CAMKMT: variants seen among roughly 807,000 people sequenced by gnomAD.
CAMKMT encodes CaM KMT.
In CAMKMT, 53 loss-of-function variants were observed where a neutral mutation model predicts 48.0. That is an observed-to-expected ratio of 1.10 (90% CI 0.89 to 1.39). The LOEUF (loss-of-function observed/expected upper bound fraction) is 1.39. Among genes scored for constraint, CAMKMT ranks in the 40% most tolerant of loss-of-function variants. CAMKMT has a pLI of 0.00. For missense variants in CAMKMT, 428 were observed against 402.7 expected (o/e 1.06, Z -0.54); for synonymous variants, 165 against 152.3 (o/e 1.08, Z -0.61).
At chr2:44,529,763 A>G (rs1666381571) in intron 3 of CAMKMT, among the ~76,000 whole-genome samples, 1 of 152,156 alleles carries the variant, frequency 6.6e-6, no homozygotes. Context: ...CTAAGTGTCA[A>G]ATTGCTGATT....
intron 3 of CAMKMT, among the ~76,000 whole-genome samples, chr2:44,635,552 G>T (rs551320918): frequency 6.6e-6 from 1 of 152,100 alleles, no homozygotes; most frequent in African/African-American, 2.4e-5. Flanking sequence ...TTGGGTTCAC[G>T]CACCTTACTT....
At chr2:44,614,755 T>G (rs1023488407) in intron 3 of CAMKMT, among the ~76,000 whole-genome samples, 3 of 151,360 alleles carry the variant, frequency 2.0e-5, no homozygotes, top group Admixed American at 2.0e-4. Context: ...GACTCTAGAG[T>G]GAAAGATGTT....
At chr2:44,754,164 T>C (rs373392961) in intron 9 of CAMKMT, 46 bp downstream of exon 9, 3 of 1,404,990 alleles carry the variant, frequency 2.1e-6, no homozygotes, top group Non-Finnish European at 3.0e-6. Flanking sequence ...ACAGAATAAT[T>C]AGTCTGTGCA....
chr2:44,643,907 T>A (rs940299921), intron 3 of CAMKMT, among the ~76,000 whole-genome samples: 1 of 152,286 alleles, frequency 6.6e-6, no homozygotes, highest in African/African-American at 2.4e-5. Context: ...CTAATTAGAG[T>A]TAGCGACAAA....
chr2:44,658,437 G>A (rs1201381163), intron 3 of CAMKMT, among the ~76,000 whole-genome samples: 1 of 152,140 alleles, frequency 6.6e-6, no homozygotes, highest in African/African-American at 2.4e-5. Flanking sequence ...TGGGCTAATT[G>A]GCTGGAGAGT....
At chr2:44,695,285 T>C (rs1676875752) in intron 3 of CAMKMT, among the ~76,000 whole-genome samples, 1 of 152,224 alleles carries the variant, frequency 6.6e-6, no homozygotes, top group Non-Finnish European at 1.5e-5. Flanking sequence ...ATAACCATAG[T>C]ACTATAATAT....
rs1020249685 is a variant in CAMKMT at position 44,766,437 on chromosome 2, C to T, written c.770C>T (p.Ala257Val). 32 of 1,613,874 alleles carry T rather than the reference C, an allele frequency of 2.0e-5. No individual in the cohort carries two copies. Among genetic ancestry groups the T allele is most frequent in the Admixed American group, 1.2e-4 (7 of 59,956 alleles). Residue 257 changes from alanine (A) to valine (V), a missense_variant, in exon 10 of 11, where the codon GCG becomes GTG. Coordinates refer to ENST00000378494, the MANE Select transcript of CAMKMT (RefSeq NM_024766.5). Reference sequence around the variant, plus strand: ...TCCTTTTTACTGTTCTAGGGGAAAGCGATGGTATTTGCCCCACGCCGAGGG... The same window carrying T: ...TCCTTTTTACTGTTCTAGGGGAAAGTGATGGTATTTGCCCCACGCCGAGGG... ...IKRLLQPRGK[A>V]MVFAPRRGNT... is the part of the protein sequence containing the mutation.
At chr2:44,395,038 GA>G (rs1469365630) in intron 3 of CAMKMT, 13 of 440,304 alleles carry the variant, frequency 3.0e-5, no homozygotes, top group Non-Finnish European at 5.0e-5. Flanking sequence ...TTTTCTAGAG[GA>G]AAAAAAATTA....
At chr2:44,647,252 A>G (rs1572989127) in intron 3 of CAMKMT, among the ~76,000 whole-genome samples, 2 of 152,092 alleles carry the variant, frequency 1.3e-5, no homozygotes, top group African/African-American at 4.8e-5. Flanking sequence ...TACTGTTCTC[A>G]CTTTTAGTTT....
At chr2:44,679,849 C>T (rs1039611530) in intron 3 of CAMKMT, among the ~76,000 whole-genome samples, 2 of 152,228 alleles carry the variant, frequency 1.3e-5, no homozygotes, top group Admixed American at 1.3e-4. Flanking sequence ...ATGATAATTG[C>T]TCTGCCTGCA....
intron 3 of CAMKMT, among the ~76,000 whole-genome samples, chr2:44,462,538 C>A (rs1445937505): frequency 1.3e-5 from 2 of 151,654 alleles, no homozygotes; most frequent in Non-Finnish European, 2.9e-5. Context: ...ATCTAAATTC[C>A]TTTTTTTGCT....
chr2:44,669,855 C>G (rs1675229397), intron 3 of CAMKMT, among the ~76,000 whole-genome samples: 1 of 152,106 alleles, frequency 6.6e-6, no homozygotes, highest in Admixed American at 6.5e-5. Context: ...CCAGGCTGGT[C>G]TCGAACTCCT....
At chr2:44,512,133 A>G (rs1670595947) in intron 3 of CAMKMT, among the ~76,000 whole-genome samples, 2 of 152,198 alleles carry the variant, frequency 1.3e-5, no homozygotes, top group South Asian at 4.1e-4. Context: ...CAAGGAACTC[A>G]GACTCCAGGC....
chr2:44,703,033 G>A (rs771039818), intron 3 of CAMKMT, among the ~76,000 whole-genome samples: 4 of 152,118 alleles, frequency 2.6e-5, no homozygotes, highest in Non-Finnish European at 4.4e-5. Flanking sequence ...TTTGCCACCC[G>A]TTCCCAGGAC....
chr2:44,418,421 G>A (rs144587569), intron 3 of CAMKMT, among the ~76,000 whole-genome samples: 8 of 151,592 alleles, frequency 5.3e-5, no homozygotes, highest in Admixed American at 2.6e-4. Context: ...TAGAAGTTAA[G>A]GTTCTTTTGT....
intron 3 of CAMKMT, among the ~76,000 whole-genome samples, chr2:44,532,478 C>T (rs1666538488): frequency 6.6e-6 from 1 of 152,206 alleles, no homozygotes; most frequent in African/African-American, 2.4e-5. Context: ...GTGTCACAGA[C>T]ATTGAGTTCC....
chr2:44,635,546 G>T (rs1572966169), intron 3 of CAMKMT, among the ~76,000 whole-genome samples: 1 of 152,224 alleles, frequency 6.6e-6, no homozygotes, highest in East Asian at 1.9e-4. Context: ...CATATCTTGG[G>T]TTCACGCACC....
At chr2:44,378,335 C>T (rs187323014) in intron 2 of CAMKMT, among the ~76,000 whole-genome samples, 40 of 152,244 alleles carry the variant, frequency 2.6e-4, no homozygotes, top group African/African-American at 9.1e-4. Context: ...TTTTCCAAAT[C>T]CCAATATAGT....
Position 44,361,966 on chromosome 2 carries a change from G to C in CAMKMT, c.-42G>C, listed in dbSNP as rs1408950247. On this transcript the variant is annotated 5_prime_UTR_variant, in exon 1 of 11. Transcript: ENST00000378494. The stretch of plus-strand genomic sequence containing the variant: ...GTTGGCAGGTCCTGGCAGGGGACGA[G>C]CTGCGGCGGTGGCACCTCCGGGTGT... 7.3e-7 allele frequency: 1 copy of C among 1,362,956 alleles called. No homozygotes were observed. The highest frequency in any genetic ancestry group is 3.1e-5 in the East Asian group (1 of 32,254). 84.4% of individuals were successfully genotyped at this position (1,362,956 alleles called of 1,614,324 possible). A position where few individuals can be genotyped will look rare whatever the true frequency, so the allele number is the denominator to read the frequency against.
Sources: gnomAD v4.1 joint callset for allele counts (sites outside exome capture counted in the v4.1 genomes callset) on GRCh38, gnomAD v4.1.1 for gene constraint, MANE v1.5 for transcripts, NCBI Gene and HGNC (gene_info 2026-07-23, HGNC 2026-07-21) for gene names.